The following PHACTR1 variants were observed in gnomAD, a reference collection of about 807,000 sequenced individuals.
The protein encoded by PHACTR1 is phosphatase and actin regulator 1.
A neutral mutation model predicts 69.2 loss-of-function variants in PHACTR1; 16 were observed. The observed-to-expected ratio is 0.23, with a 90% CI of 0.16 to 0.35. The LOEUF (loss-of-function observed/expected upper bound fraction) is 0.35, where lower values mean the gene tolerates loss of function less well. PHACTR1 is among the 10% of genes least tolerant of loss of function. The pLI is 1.00. For missense variants in PHACTR1, 510 were observed against 734.7 expected (o/e 0.69, Z 3.54); for synonymous variants, 312 against 284.5 (o/e 1.10, Z -0.97).
At chr6:13,266,271 C>T (rs1776687438) in intron 10 of PHACTR1, among the ~76,000 whole-genome samples, 1 of 152,116 alleles carries the variant, frequency 6.6e-6, no homozygotes, top group Non-Finnish European at 1.5e-5. Context: ...CCCAAGCCTC[C>T]ACCATTTCTT....
At chr6:13,139,340 G>A (rs978981740) in intron 5 of PHACTR1, among the ~76,000 whole-genome samples, 2 of 152,110 alleles carry the variant, frequency 1.3e-5, no homozygotes, top group African/African-American at 4.8e-5. Flanking sequence ...GATGAATTGA[G>A]TCATTTCCAC....
chr6:12,937,952 T>C (rs1789644281), intron 4 of PHACTR1, among the ~76,000 whole-genome samples: 1 of 151,972 alleles, frequency 6.6e-6, no homozygotes, highest in Non-Finnish European at 1.5e-5. Flanking sequence ...ATACAAAAAG[T>C]AGCCAGGCAT....
chr6:12,981,172 A>G (rs1795483138), intron 4 of PHACTR1, among the ~76,000 whole-genome samples: 1 of 152,260 alleles, frequency 6.6e-6, no homozygotes, highest in Non-Finnish European at 1.5e-5. Flanking sequence ...CAATAGGTGA[A>G]TGTGACTAGA....
chr6:12,877,999 G>A (rs1561971352), intron 4 of PHACTR1, among the ~76,000 whole-genome samples: 1 of 152,144 alleles, frequency 6.6e-6, no homozygotes, highest in Non-Finnish European at 1.5e-5. Flanking sequence ...GCTCAGAAAG[G>A]CTCCAATATG....
chr6:12,881,949 A>G (rs550694010), intron 4 of PHACTR1, among the ~76,000 whole-genome samples: 24 of 152,330 alleles, frequency 1.6e-4, no homozygotes, highest in African/African-American at 5.5e-4. Context: ...GAGGTGGGAA[A>G]TGAACCAGGG....
rs1163097884 is a variant in PHACTR1, at chr6:13,283,395, T to C, written c.1510-27T>C. ...GCCATGGTCAACCCTTCTGGCTGACTGGGTCCATCTCTCTCCCTCCCTGCA... is the reference window on the plus strand; with the variant it reads ...GCCATGGTCAACCCTTCTGGCTGACCGGGTCCATCTCTCTCCCTCCCTGCA... On this transcript the variant is annotated intron_variant, in intron 12 of 14. Coordinates refer to ENST00000332995, the MANE Select transcript of PHACTR1 (RefSeq NM_030948.6). This position sits in a 1 kb window ranked among gnomAD's most constrained non-coding sequence, Gnocchi z 4.7. The C allele has an allele frequency of 1.2e-6, 2 of 1,611,190 alleles. No individual in the cohort carries two copies. Among genetic ancestry groups the C allele is most frequent in the Admixed American group, 1.7e-5 (1 of 59,960 alleles).
At position 13,198,035 on chromosome 6, in the gene PHACTR1, T is replaced by C. The variant is rs202224579; in HGVS notation, c.665-7780T>C. On this transcript the variant is annotated intron_variant, in intron 7 of 14. Transcript: ENST00000332995. ...GCTAGTCCATTGGCCACACTTTGAC[T>C]CGCAGACCTTTAATACAGCAGAAAC... Among the ~76,000 whole-genome samples, 4 of 152,312 alleles carry C rather than the reference T, an allele frequency of 2.6e-5. No individual in the cohort carries two copies. The East Asian group carries it at 7.7e-4, about 29-fold the overall frequency.
chr6:13,211,625 C>G (rs1766860224), intron 8 of PHACTR1, among the ~76,000 whole-genome samples: 1 of 152,214 alleles, frequency 6.6e-6, no homozygotes, highest in Non-Finnish European at 1.5e-5. Context: ...TGCCAAAGAC[C>G]TGGAGTCACC....
intron 5 of PHACTR1, among the ~76,000 whole-genome samples, chr6:13,102,914 C>T (rs1000695275): frequency 6.6e-6 from 1 of 152,178 alleles, no homozygotes; most frequent in African/African-American, 2.4e-5. Context: ...GGCCAGCCAA[C>T]CTTGGTCCAA....
intron 4 of PHACTR1, among the ~76,000 whole-genome samples, chr6:12,759,996 T>G (rs1000099400): frequency 7.2e-5 from 11 of 152,232 alleles, no homozygotes; most frequent in African/African-American, 2.7e-4. Flanking sequence ...AGTAATTATC[T>G]TACAGAGTTG....
intron 3 of PHACTR1, among the ~76,000 whole-genome samples, chr6:12,728,185 A>G (rs1206145796): frequency 6.6e-6 from 1 of 152,058 alleles, no homozygotes; most frequent in Admixed American, 6.6e-5. Context: ...TAGGCATGGT[A>G]GTGGACACCT....
intron 4 of PHACTR1, among the ~76,000 whole-genome samples, chr6:12,842,831 T>C (rs1426528211): frequency 6.6e-6 from 1 of 152,044 alleles, no homozygotes; most frequent in African/African-American, 2.4e-5. Context: ...AGGTGTGAGC[T>C]ACCACACCCG....
intron 5 of PHACTR1, among the ~76,000 whole-genome samples, chr6:13,145,132 T>C (rs1583568472): frequency 1.3e-5 from 2 of 152,334 alleles, no homozygotes; most frequent in East Asian, 1.9e-4. Flanking sequence ...ATAAAAGTCT[T>C]GTTATAGCTC....
chr6:13,007,701 C>T (rs4349811), intron 4 of PHACTR1, among the ~76,000 whole-genome samples: 74,101 of 147,328 alleles, frequency 0.5, 21,175 homozygotes, highest in African/African-American at 0.79. Context: ...TAGACTACCC[C>T]AGCCCTCTTC....
chr6:12,745,963 G>C lies in PHACTR1; in HGVS notation c.104-3681G>C, dbSNP rs117213831. ...CTCTTCCACTGATGTCATGCAGCCAGATGTTTTATGAAAAGAGGTCATGAA... is the reference window on the plus strand; with the variant it reads ...CTCTTCCACTGATGTCATGCAGCCACATGTTTTATGAAAAGAGGTCATGAA... On this transcript the variant is annotated intron_variant, in intron 3 of 14. Transcript: ENST00000332995. Among the ~76,000 whole-genome samples the C allele has an allele frequency of 3.0e-4, 46 of 152,324 alleles. No individual in the cohort carries two copies. In the East Asian group the frequency reaches 8.1e-3, roughly 27 times the overall value.
intron 4 of PHACTR1, among the ~76,000 whole-genome samples, chr6:12,781,325 GTCAGT>G (rs1770792568): frequency 6.6e-6 from 1 of 152,146 alleles, no homozygotes; most frequent in South Asian, 2.1e-4. Context: ...TGCACCTGCT[GTCAGT>G]GATAAGGTCT....
intron 4 of PHACTR1, among the ~76,000 whole-genome samples, chr6:12,776,026 T>G (rs1770019952): frequency 6.6e-6 from 1 of 152,190 alleles, no homozygotes; most frequent in Non-Finnish European, 1.5e-5. Flanking sequence ...GTCTTAAGAG[T>G]CCACTCAGTC....
intron 4 of PHACTR1, among the ~76,000 whole-genome samples, chr6:12,883,518 C>G (rs74555373): frequency 7.1e-6 from 1 of 141,194 alleles, no homozygotes; most frequent in African/African-American, 2.6e-5. Context: ...CCCGTCCAAG[C>G]TTTTTTTTTT....
Position 12,826,727 on chromosome 6 carries a change from C to T in PHACTR1, c.250+76937C>T, listed in dbSNP as rs540656930. 3.3e-5 allele frequency among the ~76,000 whole-genome samples: 5 copies of T among 152,240 alleles called. No homozygotes were observed. In the East Asian group the frequency reaches 9.6e-4, roughly 29 times the overall value. On this transcript the variant is annotated intron_variant, in intron 4 of 14. Coordinates refer to ENST00000332995, the MANE Select transcript of PHACTR1 (RefSeq NM_030948.6). Reference sequence around the variant, plus strand: ...GTGCTAGAGAACTTCCAGGTTTGCACAATTCACAATGTCCATAAATCAATA... The same window carrying T: ...GTGCTAGAGAACTTCCAGGTTTGCATAATTCACAATGTCCATAAATCAATA...
Sources: allele counts gnomAD v4.1 joint callset (sites outside exome capture counted in the v4.1 genomes callset), GRCh38; gene constraint gnomAD v4.1.1; non-coding constraint Gnocchi (gnomAD v3.1); transcripts MANE v1.5; gene names NCBI Gene and HGNC (gene_info 2026-07-23, HGNC 2026-07-21).